The following NRG3 variants were observed in gnomAD, a reference collection of about 807,000 sequenced individuals.
NRG3 encodes pro-neuregulin-3, membrane-bound isoform.
In NRG3, 31 loss-of-function variants were observed where a neutral mutation model predicts 66.9. The observed-to-expected ratio is 0.46, with a 90% confidence interval of 0.35 to 0.63. NRG3 has a LOEUF of 0.63. Ranked by LOEUF, NRG3 falls within the 20% of genes least tolerant of loss-of-function variation. The pLI, the probability that NRG3 is intolerant of heterozygous loss-of-function variation, is 0.00. For missense variants in NRG3, 910 were observed against 878.9 expected (o/e 1.04, Z -0.45); for synonymous variants, 393 against 359.4 (o/e 1.09, Z -1.06).
intron 2 of NRG3, among the ~76,000 whole-genome samples, chr10:82,453,811 GT>G (rs2091143800): frequency 6.6e-6 from 1 of 152,068 alleles, no homozygotes; most frequent in African/African-American, 2.4e-5. Flanking sequence ...AAAGCATGTT[GT>G]TTTTATTAGA....
At chr10:82,596,868 C>T (rs2133361230) in intron 2 of NRG3, among the ~76,000 whole-genome samples, 1 of 152,236 alleles carries the variant, frequency 6.6e-6, no homozygotes, top group South Asian at 2.1e-4. Context: ...GACTTCAGAT[C>T]CCATTGTTTC....
At chr10:81,895,851 A>G (rs1843477780) in intron 1 of NRG3, among the ~76,000 whole-genome samples, 1 of 152,192 alleles carries the variant, frequency 6.6e-6, no homozygotes, top group African/African-American at 2.4e-5. Flanking sequence ...ATATCAAACC[A>G]TCTTATAAAC....
intron 3 of NRG3, among the ~76,000 whole-genome samples, chr10:82,835,755 G>C (rs116704584): frequency 1.3e-5 from 2 of 152,142 alleles, no homozygotes; most frequent in Non-Finnish European, 2.9e-5. Flanking sequence ...ACACTCCTTA[G>C]AATCCCTTTG....
At chr10:82,363,036 A>AT (rs931555806) in intron 2 of NRG3, among the ~76,000 whole-genome samples, 4 of 152,204 alleles carry the variant, frequency 2.6e-5, no homozygotes, top group African/African-American at 7.2e-5. Context: ...TTGACACAGC[A>AT]TTTTTTTATC....
chr10:82,820,044 G>C (rs2061879961), intron 3 of NRG3, among the ~76,000 whole-genome samples: 2 of 152,170 alleles, frequency 1.3e-5, no homozygotes, highest in Admixed American at 6.5e-5. Flanking sequence ...CAGGACATCA[G>C]TCTACTTACA....
At chr10:82,018,643 T>A (rs1422622924) in intron 1 of NRG3, among the ~76,000 whole-genome samples, 1 of 152,188 alleles carries the variant, frequency 6.6e-6, no homozygotes, top group Non-Finnish European at 1.5e-5. Context: ...CTTGAAGAGG[T>A]CCTTCACATC....
chr10:82,830,003 A>C (rs2062436470), intron 3 of NRG3, among the ~76,000 whole-genome samples: 1 of 152,136 alleles, frequency 6.6e-6, no homozygotes, highest in African/African-American at 2.4e-5. Flanking sequence ...TTTGCATTTC[A>C]CATCAGAGAG....
intron 1 of NRG3, among the ~76,000 whole-genome samples, chr10:82,179,656 T>C (rs1168405575): frequency 6.6e-6 from 1 of 151,940 alleles, no homozygotes; most frequent in Non-Finnish European, 1.5e-5. Flanking sequence ...CTTTGTAATA[T>C]GTTTTGAAAT....
chr10:82,313,004 C>T lies in NRG3; in HGVS notation c.824-45735C>T, dbSNP rs532136949. 2.6e-5 allele frequency among the ~76,000 whole-genome samples: 4 copies of T among 152,130 alleles called. No individual in the cohort carries two copies. The South Asian group carries it at 8.3e-4, about 32-fold the overall frequency. On this transcript the variant is annotated intron_variant, in intron 1 of 8. Transcript: ENST00000372141. ...CCAGCCTGGCCAACATGGTGAAACCCCTTCTCTACCAAAAATACTAAAAAT... is the reference window on the plus strand; with the variant it reads ...CCAGCCTGGCCAACATGGTGAAACCTCTTCTCTACCAAAAATACTAAAAAT...
chr10:82,328,630 A>G (rs1396949113), intron 1 of NRG3, among the ~76,000 whole-genome samples: 5 of 152,160 alleles, frequency 3.3e-5, no homozygotes, highest in Non-Finnish European at 1.5e-5. Context: ...TAACCTCACC[A>G]TAGTCAGGGT....
At chr10:82,162,365 C>G (rs1247915669) in intron 1 of NRG3, among the ~76,000 whole-genome samples, 1 of 152,092 alleles carries the variant, frequency 6.6e-6, no homozygotes, top group Non-Finnish European at 1.5e-5. Context: ...CATTTAATTG[C>G]TGGGCAGTTG....
At chr10:82,925,013 A>C (rs1204729717) in intron 4 of NRG3, among the ~76,000 whole-genome samples, 1 of 152,212 alleles carries the variant, frequency 6.6e-6, no homozygotes, top group Non-Finnish European at 1.5e-5. Flanking sequence ...ACAATGCTGA[A>C]AACTTTGTAT....
At chr10:82,964,095 T>C (rs1850950177) in intron 6 of NRG3, among the ~76,000 whole-genome samples, 1 of 152,226 alleles carries the variant, frequency 6.6e-6, no homozygotes, top group African/African-American at 2.4e-5. Flanking sequence ...TATAGATTCA[T>C]ACATTCATTT....
intron 1 of NRG3, among the ~76,000 whole-genome samples, chr10:82,182,046 G>T (rs548169943): frequency 2.0e-5 from 3 of 151,082 alleles, no homozygotes; most frequent in South Asian, 2.1e-4. Context: ...AATGTATTTT[G>T]TCTGGTATAA....
intron 1 of NRG3, among the ~76,000 whole-genome samples, chr10:81,952,231 T>TA (rs1849432893): frequency 6.6e-6 from 1 of 152,166 alleles, no homozygotes; most frequent in African/African-American, 2.4e-5. Flanking sequence ...CCCTAAAACT[T>TA]AAAGTATAAT....
At chr10:82,317,739 C>T (rs1463015728) in intron 1 of NRG3, among the ~76,000 whole-genome samples, 1 of 152,156 alleles carries the variant, frequency 6.6e-6, no homozygotes, top group African/African-American at 2.4e-5. Context: ...AGACAAGTCT[C>T]AATCATTTTA....
chr10:82,767,873 T>TTCTC (rs61249173), intron 3 of NRG3, among the ~76,000 whole-genome samples: 3,137 of 147,586 alleles, frequency 0.021, 96 homozygotes, highest in East Asian at 0.12. Flanking sequence ...ATTATCTCTG[T>TTCTC]TCTCTCTCTC....
chr10:82,297,702 C>G (rs1316341331), intron 1 of NRG3, among the ~76,000 whole-genome samples: 2 of 151,854 alleles, frequency 1.3e-5, no homozygotes. Context: ...GTTATTATAA[C>G]ATATTATAAA....
chr10:82,797,352 T>A (rs1337130853), intron 3 of NRG3, among the ~76,000 whole-genome samples: 1 of 152,194 alleles, frequency 6.6e-6, no homozygotes, highest in Non-Finnish European at 1.5e-5. Context: ...TAAATATGGC[T>A]GCATTTCAAA....
Sources: allele counts gnomAD v4.1 joint callset (sites outside exome capture counted in the v4.1 genomes callset), GRCh38; gene constraint gnomAD v4.1.1; transcripts MANE v1.5; gene names NCBI Gene and HGNC (gene_info 2026-07-23, HGNC 2026-07-21).